The following KSR2 variants were observed in gnomAD, a reference collection of about 807,000 sequenced individuals.
The protein encoded by KSR2 is kinase suppressor of ras 2.
Under a neutral mutation model 107.8 loss-of-function variants are expected in KSR2, and 25 were observed. That is an observed-to-expected ratio of 0.23 (90% CI 0.17 to 0.32). KSR2 has a LOEUF of 0.32. Ranked by LOEUF, KSR2 falls within the 10% of genes least tolerant of loss-of-function variation. The pLI, the probability that KSR2 is intolerant of heterozygous loss-of-function variation, is 1.00. For synonymous variants in KSR2, 480 were observed against 507.0 expected (o/e 0.95, Z 0.71); for missense variants, 887 against 1,268.9 (o/e 0.70, Z 4.57).
intron 1 of KSR2, among the ~76,000 whole-genome samples, chr12:117,910,377 C>T (rs1238296314): frequency 6.6e-6 from 1 of 152,160 alleles, no homozygotes; most frequent in Non-Finnish European, 1.5e-5. Context: ...AAACACCTGC[C>T]TCACAGACTG....
chr12:117,485,866 G>A, intron 14 of KSR2, among the ~76,000 whole-genome samples, 175 bp from the exon 15 acceptor site: 1 of 152,200 alleles, frequency 6.6e-6, no homozygotes, highest in East Asian at 1.9e-4. Context: ...GGAGATCTGG[G>A]AGGAAGTTCT....
intron 3 of KSR2, among the ~76,000 whole-genome samples, chr12:117,764,170 AT>A (rs1451236272): frequency 6.6e-6 from 1 of 152,086 alleles, no homozygotes; most frequent in Non-Finnish European, 1.5e-5. Context: ...AAAAAAGGCA[AT>A]GCTGTTCTAC....
chr12:117,518,736 T>C (rs1023262104), intron 14 of KSR2, among the ~76,000 whole-genome samples: 7 of 152,208 alleles, frequency 4.6e-5, no homozygotes, highest in African/African-American at 7.2e-5. Context: ...CCCCTTTCTA[T>C]AGCTCCTCAA....
intron 5 of KSR2, among the ~76,000 whole-genome samples, chr12:117,636,175 T>A (rs932772262): frequency 1.6e-4 from 24 of 152,290 alleles, no homozygotes; most frequent in African/African-American, 5.3e-4. Flanking sequence ...TAAGATCCAT[T>A]CTACAATACC....
intron 6 of KSR2, among the ~76,000 whole-genome samples, chr12:117,581,256 C>A (rs1879645988): frequency 6.6e-6 from 1 of 152,154 alleles, no homozygotes; most frequent in Non-Finnish European, 1.5e-5. Flanking sequence ...CCTGATATCA[C>A]CCCACCTTGT....
At chr12:117,530,837 A>G in intron 12 of KSR2, 104 bp downstream of exon 12, 1 of 990,418 alleles carries the variant, frequency 1.0e-6, no homozygotes, top group Non-Finnish European at 1.6e-6. Flanking sequence ...CCCCAACTCC[A>G]TCAGTTCCAG....
intron 4 of KSR2, among the ~76,000 whole-genome samples, chr12:117,686,898 C>T (rs568250767): frequency 1.4e-4 from 22 of 152,192 alleles, no homozygotes; most frequent in Non-Finnish European, 2.5e-4. Context: ...CATCAGAGCC[C>T]GAGAGACAGA....
chr12:117,924,296 G>A (rs1278958822), intron 1 of KSR2, among the ~76,000 whole-genome samples: 6 of 151,356 alleles, frequency 4.0e-5, no homozygotes, highest in South Asian at 2.1e-4. Context: ...GGCCAGGCAC[G>A]GTGGCTCATG....
intron 5 of KSR2, among the ~76,000 whole-genome samples, chr12:117,600,415 C>T (rs1880873941): frequency 2.0e-5 from 3 of 152,320 alleles, no homozygotes; most frequent in Admixed American, 6.5e-5. Flanking sequence ...ACACCTGCCC[C>T]CATTTTCCAC....
intron 1 of KSR2, among the ~76,000 whole-genome samples, chr12:117,920,408 T>C (rs1181001377): frequency 6.6e-6 from 1 of 152,008 alleles, no homozygotes; most frequent in Non-Finnish European, 1.5e-5. Context: ...TTTTTTTTTT[T>C]TTAACAATTT....
chr12:117,844,244 A>C (rs1195627931), intron 3 of KSR2, among the ~76,000 whole-genome samples: 1 of 152,108 alleles, frequency 6.6e-6, no homozygotes, highest in Non-Finnish European at 1.5e-5. Context: ...AGCATGCACC[A>C]TCTTGGATGT....
chr12:117,847,493 A>C (rs1286579578), intron 3 of KSR2, among the ~76,000 whole-genome samples: 1 of 152,126 alleles, frequency 6.6e-6, no homozygotes, highest in African/African-American at 2.4e-5. Context: ...TGTCTGCAGC[A>C]CCCTGGCCTC....
intron 4 of KSR2, among the ~76,000 whole-genome samples, chr12:117,672,726 G>A (rs988933205): frequency 6.6e-6 from 1 of 152,120 alleles, no homozygotes; most frequent in Non-Finnish European, 1.5e-5. Flanking sequence ...CAGGGTTCAA[G>A]GGATTCTCCT....
At chr12:117,860,198 C>G in intron 2 of KSR2, 93 bp downstream of exon 2, 1 of 1,367,762 alleles carries the variant, frequency 7.3e-7, no homozygotes, top group Admixed American at 2.0e-5. Flanking sequence ...AGGGACTGTG[C>G]TGGGCACAGC....
chr12:117,841,655 CAG>C (rs1892482592), intron 3 of KSR2, among the ~76,000 whole-genome samples: 1 of 152,214 alleles, frequency 6.6e-6, no homozygotes, highest in African/African-American at 2.4e-5. Context: ...AGGGACCACT[CAG>C]AGTTAAGGAG....
At chr12:117,732,771 A>T (rs1887783066) in intron 4 of KSR2, among the ~76,000 whole-genome samples, 1 of 152,108 alleles carries the variant, frequency 6.6e-6, no homozygotes, top group Non-Finnish European at 1.5e-5. Flanking sequence ...CAGGAGGAGG[A>T]GGTGAAGGCC....
At chr12:117,785,815 T>G (rs1436189317) in intron 3 of KSR2, among the ~76,000 whole-genome samples, 2 of 152,104 alleles carry the variant, frequency 1.3e-5, no homozygotes, top group Non-Finnish European at 2.9e-5. Flanking sequence ...AATTAGAGAA[T>G]ATCAAAAGAT....
chr12:117,770,577 G>T (rs1828909994), intron 3 of KSR2, among the ~76,000 whole-genome samples: 1 of 151,844 alleles, frequency 6.6e-6, no homozygotes, highest in Non-Finnish European at 1.5e-5. Flanking sequence ...ACACTGACTG[G>T]GGGACTGCCA....
At chr12:117,926,975 T>C (rs1016594080) in intron 1 of KSR2, among the ~76,000 whole-genome samples, 1 of 152,204 alleles carries the variant, frequency 6.6e-6, no homozygotes. Flanking sequence ...TGAAACTATA[T>C]ATGGAAAGTG....
Sources: gnomAD v4.1 joint callset for allele counts (sites outside exome capture counted in the v4.1 genomes callset) on GRCh38, gnomAD v4.1.1 for gene constraint, MANE v1.5 for transcripts, NCBI Gene and HGNC (gene_info 2026-07-23, HGNC 2026-07-21) for gene names.